SCML2: variants seen among roughly 807,000 people sequenced by gnomAD.
SCML2 encodes the protein Scm polycomb group protein like 2, also known as sex comb on midleg-like protein 2.
SCML2 carries 6 observed loss-of-function variants against 48.4 expected under a neutral mutation model. The ratio of observed to expected loss-of-function variants is 0.12; its 90% CI spans 0.07 to 0.24. SCML2 has a LOEUF of 0.24. Among genes scored for constraint, SCML2 ranks in the 10% least tolerant of loss-of-function variants. SCML2 has a pLI of 1.00. For missense variants in SCML2, 377 were observed against 528.2 expected, an observed-to-expected ratio of 0.71 and a Z score of 2.81; for synonymous variants, 181 against 189.5, an observed-to-expected ratio of 0.95 and a Z score of 0.37.
intron 7 of SCML2, among the ~76,000 whole-genome samples, chrX:18,303,166 A>G (rs1369452949): frequency 9.0e-6 from 1 of 111,365 alleles, no homozygotes; most frequent in Non-Finnish European, 1.9e-5. Flanking sequence ...TCATCTCTCT[A>G]TAATATACTT....
intron 8 of SCML2, among the ~76,000 whole-genome samples, chrX:18,265,377 AAGT>A (rs1293761913): frequency 8.9e-6 from 1 of 112,628 alleles, no homozygotes; most frequent in Non-Finnish European, 1.9e-5. Flanking sequence ...GGTTTTGAAG[AAGT>A]AGAACACTAT....
intron 6 of SCML2, among the ~76,000 whole-genome samples, chrX:18,309,736 GA>G (rs1928886358): frequency 9.0e-6 from 1 of 111,539 alleles, no homozygotes; most frequent in Non-Finnish European, 1.9e-5. Flanking sequence ...TGGACACAAA[GA>G]GGTGAACAAC....
At chrX:18,346,948 G>T (rs1213347237) in intron 1 of SCML2, among the ~76,000 whole-genome samples, 1 of 111,415 alleles carries the variant, frequency 9.0e-6, no homozygotes, top group Non-Finnish European at 1.9e-5. Context: ...ATATTCCATT[G>T]TATAACCATA....
chrX:18,334,040 T>C lies in SCML2; in HGVS notation c.22+10A>G. 4 of 1,194,696 alleles carry C rather than the reference T, an allele frequency of 3.3e-6. No individual in the cohort carries two copies. The highest frequency in any genetic ancestry group is 4.5e-6 in the Non-Finnish European group (4 of 885,776). On this transcript the variant is annotated intron_variant, in intron 2 of 14. Coordinates refer to ENST00000251900, the MANE Select transcript of SCML2 (RefSeq NM_006089.3). ...TAAAAACATTATTGCCTTTAACAAG[T>C]AAATCTTACCTTCATTCACTGTTTG... is the stretch of plus-strand genomic sequence containing the variant.
In SCML2 at chrX:18,337,902, T is replaced by C. The variant is rs762480607; in HGVS notation, c.-24-3807A>G. Among the ~76,000 whole-genome samples, 36 of 111,487 alleles carry C rather than the reference T, an allele frequency of 3.2e-4. 1 individual carries two copies. The highest frequency in any genetic ancestry group is 6.4e-4 in the Non-Finnish European group (34 of 53,132). ...AACACACTTAAAAGAATAGAAACCA[T>C]ACAATGTTTCAGTTCTTAGACCACA... is the stretch of plus-strand genomic sequence containing the variant. On this transcript the variant is annotated intron_variant, in intron 1 of 14. Transcript: ENST00000251900.
chrX:18,301,227 G>A (rs992447240), intron 7 of SCML2, among the ~76,000 whole-genome samples: 5 of 110,485 alleles, frequency 4.5e-5, no homozygotes, highest in Non-Finnish European at 7.6e-5. Flanking sequence ...GTGAAACCCC[G>A]TCTTTACTAA....
chrX:18,330,961 G>C (rs767964112), intron 2 of SCML2, among the ~76,000 whole-genome samples: 17 of 110,751 alleles, frequency 1.5e-4, no homozygotes, highest in Non-Finnish European at 3.2e-4. Flanking sequence ...TCAAGCATTT[G>C]TTAAATCAAT....
chrX:18,246,764 C>G lies in SCML2; in HGVS notation c.1635G>C (p.Lys545Asn). The change falls in exon 13 of 15, where the codon AAG (lysine) becomes AAC (asparagine). Residue 545 changes from lysine to asparagine, a missense_variant. Lys to Asn is a moderately conservative substitution (Grantham distance 94). Around this residue, in one of 3 missense-constraint regions of SCML2, gnomAD observed 299 missense variants for 425.5 expected, o/e 0.70. Transcript: ENST00000251900. The part of the protein sequence containing the change: ...PKEENLSEDS[K>N]SSSLNSGNYL... ...AATTTCCTGAATTTAGTGATGAGCTCTTAGAATCTTCTGAAAGATTCTCCT... is the reference window on the plus strand; with the variant it reads ...AATTTCCTGAATTTAGTGATGAGCTGTTAGAATCTTCTGAAAGATTCTCCT... The G allele has an allele frequency of 8.3e-7, 1 of 1,205,373 alleles. No individual in the cohort carries two copies. Among genetic ancestry groups the G allele is most frequent in the Non-Finnish European group, 1.1e-6 (1 of 890,195 alleles).
chrX:18,320,870 A>G (rs753630273), intron 5 of SCML2, among the ~76,000 whole-genome samples: 1 of 111,537 alleles, frequency 9.0e-6, no homozygotes, highest in Non-Finnish European at 1.9e-5. Flanking sequence ...ACACAACAGT[A>G]CATTTCATTG....
chrX:18,256,349 G>A (rs1926841330), intron 11 of SCML2, among the ~76,000 whole-genome samples: 1 of 111,349 alleles, frequency 9.0e-6, no homozygotes, highest in Admixed American at 9.5e-5. Flanking sequence ...CTACTCGGGA[G>A]GCTGAGACAG....
At chrX:18,347,709 G>C in intron 1 of SCML2, among the ~76,000 whole-genome samples, 1 of 66,721 alleles carries the variant, frequency 1.5e-5, no homozygotes, top group Non-Finnish European at 2.5e-5. Flanking sequence ...GGGTGACAGA[G>C]CAAGACTCCG....
rs1229899793 is a variant in SCML2 at position 18,305,060 on chromosome X, A to T, written c.642T>A (p.Asp214Glu). The T allele has an allele frequency of 2.5e-6, 3 of 1,211,515 alleles. No individual in the cohort carries two copies. Among genetic ancestry groups the T allele is most frequent in the Non-Finnish European group, 3.4e-6 (3 of 895,356 alleles). ...ITFDGWSGAF[D>E]YWCKYDSRDI... ...CTCGAGAATCATACTTGCACCAGTA[A>T]TCAAAAGCTCCACTCCAGCCATCAA... Residue 214 changes from aspartate to glutamate, a missense_variant, in exon 7 of 15, where the codon GAT (aspartate) becomes GAA (glutamate). Asp to Glu is a conservative substitution (Grantham distance 45, BLOSUM62 2). This residue lies in a region of SCML2 where 299 missense variants were observed against 425.5 expected (regional missense o/e 0.70). Transcript: ENST00000251900.
At position 18,338,400 on chromosome X, in the gene SCML2, C is replaced by T. The variant is rs949815323; in HGVS notation, c.-24-4305G>A. 1.0e-3 allele frequency among the ~76,000 whole-genome samples: 105 copies of T among 102,722 alleles called. 1 individual carries two copies. The highest frequency in any genetic ancestry group is 1.7e-3 in the Non-Finnish European group (84 of 50,709). The allele number at this position is 102,722 out of a possible 115,157, so 89.2% of individuals were successfully genotyped here. On this transcript the variant is annotated intron_variant, in intron 1 of 14. Coordinates refer to ENST00000251900, the MANE Select transcript of SCML2 (RefSeq NM_006089.3). ...CACAGGCTTAAGTGAGCCAAGATTG[C>T]GCCAGTGCACTCCAGCCTGGGCAAC...
At chrX:18,245,070 T>A (rs374752763) in intron 13 of SCML2, among the ~76,000 whole-genome samples, 3 of 111,762 alleles carry the variant, frequency 2.7e-5, no homozygotes, top group African/African-American at 9.8e-5. Context: ...GACTTCAAAT[T>A]TCTTACCTGA....
At chrX:18,343,924 A>T (rs1295905916) in intron 1 of SCML2, among the ~76,000 whole-genome samples, 1 of 56,551 alleles carries the variant, frequency 1.8e-5, no homozygotes, top group African/African-American at 7.4e-5. Flanking sequence ...GCCTCTATTT[A>T]AAAAAAAAAA....
Position 18,329,034 on chromosome X carries a change from A to C in SCML2, c.91+1553T>G, listed in dbSNP as rs144036847. ...TAGGGAGAAATGGGGAGTACTGTTA[A>C]TGGGTACAGGATTTCTTTTTAGGGG... is the stretch of plus-strand genomic sequence containing the variant. On this transcript the variant is annotated intron_variant, in intron 3 of 14. Transcript: ENST00000251900. Among the ~76,000 whole-genome samples, 709 of 111,676 alleles carry C rather than the reference A, an allele frequency of 6.3e-3. 7 individuals are homozygous for C. The highest frequency in any genetic ancestry group is 0.022 in the African/African-American group (690 of 30,744).
chrX:18,305,307 C>A (rs1928723775), intron 6 of SCML2, 92 bp from the exon 7 acceptor site: 1 of 807,041 alleles, frequency 1.2e-6, no homozygotes, highest in Admixed American at 3.4e-5. Context: ...TCTCTCACAA[C>A]CCTTAGCAAC....
chrX:18,332,289 C>G (rs1376874198), intron 2 of SCML2, among the ~76,000 whole-genome samples: 3 of 112,186 alleles, frequency 2.7e-5, no homozygotes, highest in Non-Finnish European at 5.6e-5. Context: ...CACAGATGAC[C>G]AGTAAGTTTT....
chrX:18,289,069 G>A (rs1222940515), intron 7 of SCML2, among the ~76,000 whole-genome samples: 1 of 111,792 alleles, frequency 8.9e-6, no homozygotes, highest in Non-Finnish European at 1.9e-5. Flanking sequence ...AGAGAAACTA[G>A]AAAGAAATGA....
Sources: allele counts gnomAD v4.1 joint callset (sites outside exome capture counted in the v4.1 genomes callset), GRCh38; gene constraint gnomAD v4.1.1; regional missense constraint gnomAD v4.1.1; transcripts MANE v1.5; gene names NCBI Gene and HGNC (gene_info 2026-07-23, HGNC 2026-07-21).